The following SPAG17 variants were observed in gnomAD, a reference collection of about 807,000 sequenced individuals.
SPAG17 encodes sperm-associated antigen 17.
In SPAG17, 169 loss-of-function variants were observed where a neutral mutation model predicts 273.6. The observed-to-expected ratio is 0.62, with a 90% CI of 0.55 to 0.70. The LOEUF is 0.70. SPAG17 is among the 30% of genes least tolerant of loss of function. The pLI is 0.00. For missense variants in SPAG17, 2,557 were observed against 2,627.8 expected (o/e 0.97, Z 0.59); for synonymous variants, 825 against 873.2 (o/e 0.94, Z 0.97).
intron 18 of SPAG17, among the ~76,000 whole-genome samples, chr1:118,059,017 C>T (rs1031458613): frequency 1.3e-5 from 2 of 152,134 alleles, no homozygotes; most frequent in Non-Finnish European, 2.9e-5. Context: ...CATAAACAGA[C>T]ATTAATCTTG....
intron 3 of SPAG17, among the ~76,000 whole-genome samples, chr1:118,140,652 C>T (rs1658629677): frequency 6.6e-6 from 1 of 152,174 alleles, no homozygotes; most frequent in South Asian, 2.1e-4. Flanking sequence ...AAATATTCTC[C>T]TTGAATCTGT....
chr1:118,002,524 A>G (rs7415797), intron 32 of SPAG17, among the ~76,000 whole-genome samples: 9,736 of 152,258 alleles, frequency 0.064, 520 homozygotes, highest in East Asian at 0.31. Flanking sequence ...GGGTGCATAT[A>G]TATTTAGAAT....
chr1:118,046,734 G>C (rs1650400043), intron 20 of SPAG17, among the ~76,000 whole-genome samples: 1 of 152,142 alleles, frequency 6.6e-6, no homozygotes. Context: ...ACAAATAATT[G>C]AGTACAATTT....
At chr1:118,094,737 A>G (rs1440389453) in intron 7 of SPAG17, among the ~76,000 whole-genome samples, 3 of 152,318 alleles carry the variant, frequency 2.0e-5, no homozygotes, top group East Asian at 3.9e-4. Flanking sequence ...CTAGAATCCA[A>G]TTTAATGACT....
chr1:118,033,098 C>T (rs905468986), intron 24 of SPAG17, among the ~76,000 whole-genome samples: 1 of 152,174 alleles, frequency 6.6e-6, no homozygotes, highest in Non-Finnish European at 1.5e-5. Flanking sequence ...GAGCAACTCT[C>T]TTACATATAT....
intron 1 of SPAG17, among the ~76,000 whole-genome samples, chr1:118,169,369 T>C (rs1020658745): frequency 1.3e-5 from 2 of 152,218 alleles, no homozygotes; most frequent in Non-Finnish European, 2.9e-5. Context: ...GCAATTTGTT[T>C]TGTAAATATC....
At chr1:118,035,503 C>A (rs937834745) in intron 24 of SPAG17, among the ~76,000 whole-genome samples, 1 of 152,012 alleles carries the variant, frequency 6.6e-6, no homozygotes, top group African/African-American at 2.4e-5. Flanking sequence ...AACAACAAAT[C>A]AAAGGCAAAG....
At chr1:118,170,880 G>C (rs940047914) in intron 1 of SPAG17, among the ~76,000 whole-genome samples, 3 of 152,154 alleles carry the variant, frequency 2.0e-5, no homozygotes, top group East Asian at 1.9e-4. Context: ...CTTTAGTCTG[G>C]AGCCAGACTA....
At chr1:118,069,007 G>A (rs1018256497) in intron 17 of SPAG17, among the ~76,000 whole-genome samples, 1 of 152,134 alleles carries the variant, frequency 6.6e-6, no homozygotes, top group African/African-American at 2.4e-5. Flanking sequence ...AAGAGTGGAA[G>A]CAGGTAATCA....
chr1:118,031,327 T>C (rs1302874063), intron 25 of SPAG17, among the ~76,000 whole-genome samples: 5 of 152,084 alleles, frequency 3.3e-5, no homozygotes, highest in South Asian at 2.1e-4. Context: ...TTTTCTTCCA[T>C]TTGTTATTTA....
At chr1:118,012,489 G>A in intron 29 of SPAG17, 117 bp from the exon 30 acceptor site, 2 of 1,197,922 alleles carry the variant, frequency 1.7e-6, no homozygotes, top group South Asian at 3.3e-5. Context: ...TTTATTTATA[G>A]GCAAAGTTTT....
At chr1:118,030,483 G>A (rs1055911139) in intron 25 of SPAG17, among the ~76,000 whole-genome samples, 11 of 151,664 alleles carry the variant, frequency 7.3e-5, no homozygotes, top group Admixed American at 5.3e-4. Context: ...TGTTACATAG[G>A]TATATATGTA....
chr1:118,140,000 G>A (rs1458945774), intron 3 of SPAG17, among the ~76,000 whole-genome samples: 2 of 151,972 alleles, frequency 1.3e-5, no homozygotes, highest in African/African-American at 4.8e-5. Flanking sequence ...AGAGGAGGAG[G>A]GACCTGAGCT....
At chr1:118,112,876 T>C (rs762293262) in intron 4 of SPAG17, among the ~76,000 whole-genome samples, 12 of 152,120 alleles carry the variant, frequency 7.9e-5, no homozygotes, top group Non-Finnish European at 1.8e-4. Context: ...AGTAGTGGAG[T>C]TGAAAATAAT....
chr1:118,118,330 G>T (rs1162803927), intron 3 of SPAG17, among the ~76,000 whole-genome samples: 1 of 152,120 alleles, frequency 6.6e-6, no homozygotes, highest in Non-Finnish European at 1.5e-5. Flanking sequence ...TGTGTGCACT[G>T]GGGGGTAAGC....
intron 28 of SPAG17, among the ~76,000 whole-genome samples, chr1:118,022,865 T>A (rs777434954): frequency 6.6e-6 from 1 of 152,166 alleles, no homozygotes; most frequent in Non-Finnish European, 1.5e-5. Flanking sequence ...ACAGAGACAC[T>A]TGAAGAAAGC....
chr1:117,997,372 G>A (rs1471426103), intron 32 of SPAG17, among the ~76,000 whole-genome samples: 1 of 151,872 alleles, frequency 6.6e-6, no homozygotes, highest in African/African-American at 2.4e-5. Flanking sequence ...ACTTCAATTT[G>A]CTGTAAATTG....
rs544742657 is a variant in SPAG17, at chr1:118,081,962, A to G, written c.1763-320T>C. Among the ~76,000 whole-genome samples, 13 of 152,320 alleles carry G rather than the reference A, an allele frequency of 8.5e-5. No homozygotes were observed. The South Asian group carries it at 2.7e-3, about 32-fold the overall frequency. Reference sequence around the variant, plus strand: ...TACCATATTGGTTGAATATGCTTACACAACTTATTATTTTTGAGTGAAAGC... The same window carrying G: ...TACCATATTGGTTGAATATGCTTACGCAACTTATTATTTTTGAGTGAAAGC... On this transcript the variant is annotated intron_variant, in intron 13 of 48. Transcript: ENST00000336338.
intron 17 of SPAG17, among the ~76,000 whole-genome samples, chr1:118,069,586 G>A (rs1405661239): frequency 6.6e-6 from 1 of 151,864 alleles, no homozygotes; most frequent in Non-Finnish European, 1.5e-5. Flanking sequence ...AATTTGAGAT[G>A]GATACTAAAT....
Sources: allele counts gnomAD v4.1 joint callset (sites outside exome capture counted in the v4.1 genomes callset), GRCh38; gene constraint gnomAD v4.1.1; transcripts MANE v1.5; gene names NCBI Gene and HGNC (gene_info 2026-07-23, HGNC 2026-07-21).